ZC3H18: variants seen among roughly 807,000 people sequenced by gnomAD.
ZC3H18 encodes zinc finger CCCH-type containing 18.
In ZC3H18, 8 loss-of-function variants were observed where a neutral mutation model predicts 106.1. That is an observed-to-expected ratio of 0.08 (90% CI 0.04 to 0.14). The LOEUF (loss-of-function observed/expected upper bound fraction) is 0.14. Among genes scored for constraint, ZC3H18 ranks in the 10% least tolerant of loss-of-function variants. The probability of loss-of-function intolerance (pLI) is 1.00; values close to 1 mark genes in which losing one functional copy is unlikely to be tolerated. For synonymous variants in ZC3H18, 635 were observed against 522.1 expected, an observed-to-expected ratio of 1.22 and a Z score of -2.95; for missense variants, 1,318 against 1,278.4, an observed-to-expected ratio of 1.03 and a Z score of -0.47.
intron 3 of ZC3H18, among the ~76,000 whole-genome samples, chr16:88,594,478 C>T (rs1904330816): frequency 1.3e-5 from 2 of 152,166 alleles, no homozygotes; most frequent in African/African-American, 2.4e-5. Flanking sequence ...GTTCCTGCCA[C>T]CTCTGTGTTT....
intron 6 of ZC3H18, among the ~76,000 whole-genome samples, chr16:88,602,302 G>A (rs572992962): frequency 5.3e-4 from 80 of 152,254 alleles, no homozygotes; most frequent in Non-Finnish European, 1.0e-3. Flanking sequence ...CTTATGTGTT[G>A]CAATCCTGCT....
intron 13 of ZC3H18, chr16:88,625,838 A>ATTTTTTTTTTTTTTTTTTTTTTTTTTTTT (rs1175357328): frequency 9.6e-6 from 1 of 104,468 alleles, no homozygotes. Context: ...ACAGAAAAAG[A>ATTTTTTTTTTTTTTTTTTTTTTTTTTTTT]TTTTTTTTTT....
chr16:88,623,454 C>T (rs1213095374), intron 10 of ZC3H18, 110 bp downstream of exon 10: 2 of 1,419,446 alleles, frequency 1.4e-6, no homozygotes, highest in Non-Finnish European at 1.9e-6. Context: ...TTGAAGGTCC[C>T]TGCTGGCAGC....
intron 8 of ZC3H18, among the ~76,000 whole-genome samples, chr16:88,619,794 G>C (rs539750588): frequency 6.6e-6 from 1 of 152,152 alleles, no homozygotes; most frequent in Non-Finnish European, 1.5e-5. Context: ...ACTTCTGCCC[G>C]TTCCCTCTCC....
chr16:88,581,278 G>C (rs573883718), intron 2 of ZC3H18, among the ~76,000 whole-genome samples: 2 of 152,208 alleles, frequency 1.3e-5, no homozygotes, highest in Admixed American at 6.5e-5. Context: ...CCAAGCCACT[G>C]TCCCTGGCCT....
chr16:88,607,944 T>C (rs942517708), intron 6 of ZC3H18, among the ~76,000 whole-genome samples: 5 of 152,240 alleles, frequency 3.3e-5, no homozygotes, highest in African/African-American at 1.2e-4. Flanking sequence ...TCCTAAGTAC[T>C]TTTTTCTTCT....
intron 7 of ZC3H18, among the ~76,000 whole-genome samples, chr16:88,610,003 C>T (rs1410702766): frequency 6.6e-6 from 1 of 152,026 alleles, no homozygotes; most frequent in East Asian, 1.9e-4. Context: ...CCCCACCCCT[C>T]AGTGATCCCG....
intron 6 of ZC3H18, among the ~76,000 whole-genome samples, chr16:88,603,425 A>T (rs2142707991): frequency 6.6e-6 from 1 of 151,528 alleles, no homozygotes; most frequent in East Asian, 2.1e-4. Context: ...GTTTGAGACC[A>T]GGCTGGGCAA....
intron 3 of ZC3H18, chr16:88,587,594 A>T (rs1202731217): frequency 1.3e-6 from 2 of 1,535,982 alleles, no homozygotes; most frequent in Non-Finnish European, 1.7e-6. Flanking sequence ...ATTCCATACC[A>T]TTCAGAGGCC....
At chr16:88,603,607 G>A (rs1777550762) in intron 6 of ZC3H18, among the ~76,000 whole-genome samples, 1 of 145,926 alleles carries the variant, frequency 6.9e-6, no homozygotes. Context: ...CTGGGCAACA[G>A]AGCGAGACTC....
intron 7 of ZC3H18, among the ~76,000 whole-genome samples, chr16:88,609,848 A>G (rs1234279519): frequency 3.3e-5 from 5 of 152,024 alleles, no homozygotes; most frequent in Non-Finnish European, 7.4e-5. Flanking sequence ...TGATCTGCCT[A>G]TCTCAGCCTC....
intron 2 of ZC3H18, among the ~76,000 whole-genome samples, chr16:88,577,980 G>T (rs1402772698): frequency 1.3e-5 from 2 of 152,196 alleles, no homozygotes; most frequent in African/African-American, 4.8e-5. Flanking sequence ...CCAGCTGGTG[G>T]GATTGTTTGG....
At chr16:88,580,238 C>G (rs11646028) in intron 2 of ZC3H18, among the ~76,000 whole-genome samples, 58,694 of 146,596 alleles carry the variant, frequency 0.4, 12,429 homozygotes, top group East Asian at 0.57. Context: ...CTGCTGCTTC[C>G]CCTATTCCCA....
At chr16:88,570,867 C>T (rs1223557101) in intron 1 of ZC3H18, among the ~76,000 whole-genome samples, 3 of 152,258 alleles carry the variant, frequency 2.0e-5, no homozygotes, top group Non-Finnish European at 2.9e-5. Flanking sequence ...GCTGTCATTT[C>T]TCTTCCGGGC....
At chr16:88,576,331 C>T (rs1435115064) in intron 1 of ZC3H18, among the ~76,000 whole-genome samples, 4 of 152,174 alleles carry the variant, frequency 2.6e-5, no homozygotes, top group South Asian at 2.1e-4. Flanking sequence ...TGCGAGCCAC[C>T]GTACCTGGCC....
chr16:88,598,480 C>T (rs990309989), intron 4 of ZC3H18, 140 bp from the exon 5 acceptor site: 17 of 1,460,444 alleles, frequency 1.2e-5, no homozygotes, highest in Admixed American at 8.4e-5. Context: ...CTCGGCTTTC[C>T]GAGGACGGAG....
At chr16:88,609,116 A>AT (rs1905153550) in intron 7 of ZC3H18, 65 bp downstream of exon 7, 2 of 1,383,100 alleles carry the variant, frequency 1.4e-6, no homozygotes, top group Non-Finnish European at 2.0e-6. Flanking sequence ...ATCCCTTTTT[A>AT]TTTACAGTAA....
intron 3 of ZC3H18, among the ~76,000 whole-genome samples, chr16:88,589,543 G>A (rs964060207): frequency 6.6e-6 from 1 of 152,256 alleles, no homozygotes; most frequent in Non-Finnish European, 1.5e-5. Context: ...CTGAGTGACA[G>A]AAGGGAGCAC....
intron 6 of ZC3H18, among the ~76,000 whole-genome samples, chr16:88,600,670 C>G (rs539757431): frequency 1.5e-4 from 23 of 152,334 alleles, no homozygotes; most frequent in African/African-American, 5.5e-4. Flanking sequence ...ACGCCTGCCT[C>G]CCAGAGTGCT....
Sources: gnomAD v4.1 joint callset for allele counts (sites outside exome capture counted in the v4.1 genomes callset) on GRCh38, gnomAD v4.1.1 for gene constraint, MANE v1.5 for transcripts, NCBI Gene and HGNC (gene_info 2026-07-23, HGNC 2026-07-21) for gene names.